KDM6A: variants seen among roughly 807,000 people sequenced by gnomAD.
KDM6A encodes the protein lysine demethylase 6A.
Under a neutral mutation model 117.6 loss-of-function variants are expected in KDM6A, and 11 were observed. That is an observed-to-expected ratio of 0.09 (90% CI 0.06 to 0.15). KDM6A has a LOEUF of 0.15. Ranked by LOEUF, KDM6A falls within the 10% of genes least tolerant of loss-of-function variation. The pLI is 1.00. For missense variants in KDM6A, 799 were observed against 1,077.3 expected, an observed-to-expected ratio of 0.74 and a Z score of 3.62; for synonymous variants, 384 against 396.1, an observed-to-expected ratio of 0.97 and a Z score of 0.36.
At chrX:45,029,922 C>T (rs1011937717) in intron 6 of KDM6A, among the ~76,000 whole-genome samples, 1 of 111,159 alleles carries the variant, frequency 9.0e-6, no homozygotes, top group Non-Finnish European at 1.9e-5. Flanking sequence ...GATACAGCTA[C>T]AGGAAGAAAG....
chrX:45,075,351 G>A (rs908064415), intron 18 of KDM6A, among the ~76,000 whole-genome samples: 2 of 111,319 alleles, frequency 1.8e-5, no homozygotes, highest in African/African-American at 6.5e-5. Flanking sequence ...AAGCTTAAGT[G>A]TATATCTGTC....
At chrX:44,999,942 C>G (rs2041056375) in intron 4 of KDM6A, among the ~76,000 whole-genome samples, 1 of 111,792 alleles carries the variant, frequency 8.9e-6, no homozygotes, top group African/African-American at 3.3e-5. Context: ...CTTTTCTAGC[C>G]ATCCTGTAAA....
intron 2 of KDM6A, among the ~76,000 whole-genome samples, chrX:44,925,788 T>A (rs990991470): frequency 8.9e-6 from 1 of 111,966 alleles, no homozygotes; most frequent in Non-Finnish European, 1.9e-5. Flanking sequence ...CCATTCTGGC[T>A]TTCCACCTAC....
rs141255484 is a variant in KDM6A, at chrX:44,935,816, G to A, written c.226-25468G>A. Among the ~76,000 whole-genome samples the A allele has an allele frequency of 3.1e-3, 346 of 111,755 alleles. 2 individuals carry two copies. The highest frequency in any genetic ancestry group is 0.011 in the African/African-American group (324 of 30,773). ...CAGACAAGTAAGACCTGATCAGGTCGCGCTTGGCATCATATTGACATAGAA... is the reference window on the plus strand; with the variant it reads ...CAGACAAGTAAGACCTGATCAGGTCACGCTTGGCATCATATTGACATAGAA... On this transcript the variant is annotated intron_variant, in intron 2 of 29. Coordinates refer to ENST00000611820, the MANE Select transcript of KDM6A (RefSeq NM_001291415.2).
chrX:45,110,397 C>T, intron 29 of KDM6A, 148 bp downstream of exon 29: 1 of 495,634 alleles, frequency 2.0e-6, no homozygotes, highest in Non-Finnish European at 3.5e-6. Context: ...TCATATCATT[C>T]CCCCCTCCAT....
At chrX:44,941,769 G>A (rs983257395) in intron 2 of KDM6A, among the ~76,000 whole-genome samples, 1 of 109,802 alleles carries the variant, frequency 9.1e-6, no homozygotes, top group African/African-American at 3.3e-5. Flanking sequence ...GTGAGCCACC[G>A]CGACTGGCAA....
At chrX:45,025,769 C>G (rs1459076311) in intron 6 of KDM6A, among the ~76,000 whole-genome samples, 1 of 112,122 alleles carries the variant, frequency 8.9e-6, no homozygotes, top group African/African-American at 3.2e-5. Context: ...TAAACTATGT[C>G]AACTTAGAAC....
rs934419149 is a variant in KDM6A, at chrX:45,112,567, C to T, written c.*1156C>T. On this transcript the variant is annotated 3_prime_UTR_variant, in exon 30 of 30. Transcript: ENST00000611820. ...CTGGTTTATTGTTAAGTTGCAATTA[C>T]TGCAATGACAGACCAATAAACAATT... is the stretch of plus-strand genomic sequence containing the variant. 24 of 132,607 alleles carry T rather than the reference C, an allele frequency of 1.8e-4. No homozygotes were observed. Among genetic ancestry groups the T allele is most frequent in the Non-Finnish European group, 3.1e-4 (20 of 65,411 alleles). 10.9% of individuals were successfully genotyped at this position (132,607 alleles called of 1,213,427 possible). A position where few individuals can be genotyped will look rare whatever the true frequency, so the allele number is the denominator to read the frequency against.
intron 4 of KDM6A, among the ~76,000 whole-genome samples, chrX:44,999,618 T>C (rs939084264): frequency 8.9e-6 from 1 of 112,065 alleles, no homozygotes; most frequent in Non-Finnish European, 1.9e-5. Flanking sequence ...TACTGACATA[T>C]TGATTCTTTG....
chrX:45,095,344 T>C (rs181742893), intron 27 of KDM6A, among the ~76,000 whole-genome samples: 4 of 111,128 alleles, frequency 3.6e-5, no homozygotes, highest in African/African-American at 1.3e-4. Context: ...GATAGAGCTA[T>C]TTAGAAGAAG....
chrX:44,915,940 T>C (rs1301041941), intron 2 of KDM6A, among the ~76,000 whole-genome samples: 2 of 111,579 alleles, frequency 1.8e-5, no homozygotes, highest in Non-Finnish European at 3.8e-5. Context: ...AAAAATCATA[T>C]ACTGAAGTTC....
rs770359455 is a variant in KDM6A at position 44,981,456 on chromosome X, T to C, written c.384+6741T>C. ...AGCCTCCATGCCCTCTCTGGGCATG[T>C]CACCCTCTAGGGACTTCCGCTTGTG... is the stretch of plus-strand genomic sequence containing the variant. On this transcript the variant is annotated intron_variant, in intron 4 of 29. Coordinates refer to ENST00000611820, the MANE Select transcript of KDM6A (RefSeq NM_001291415.2). Among the ~76,000 whole-genome samples, 5 of 111,862 alleles carry C rather than the reference T, an allele frequency of 4.5e-5. No homozygotes were observed. The East Asian group carries it at 1.4e-3, about 32-fold the overall frequency.
intron 3 of KDM6A, 82 bp from the exon 4 acceptor site, chrX:44,974,584 G>A (rs976131678): frequency 1.0e-5 from 7 of 668,834 alleles, no homozygotes; most frequent in African/African-American, 4.3e-5. Flanking sequence ...GGTGTGGTGG[G>A]AATCTTGTTA....
chrX:45,056,349 A>C (rs1173163620), intron 10 of KDM6A, among the ~76,000 whole-genome samples: 3 of 112,021 alleles, frequency 2.7e-5, no homozygotes, highest in Non-Finnish European at 5.6e-5. Flanking sequence ...AATTGTCAGT[A>C]AGAAATTTTG....
At chrX:44,892,415 G>A (rs757822077) in intron 2 of KDM6A, among the ~76,000 whole-genome samples, 45 of 111,630 alleles carry the variant, frequency 4.0e-4, no homozygotes, top group Non-Finnish European at 6.2e-4. Context: ...AAAGCTGGGC[G>A]TGGTGGCTCA....
At chrX:44,926,746 T>C (rs1255438423) in intron 2 of KDM6A, among the ~76,000 whole-genome samples, 1 of 111,942 alleles carries the variant, frequency 8.9e-6, no homozygotes, top group East Asian at 2.8e-4. Context: ...TATTCTCTAG[T>C]TGCCCTCTAG....
chrX:45,084,522 C>T (rs752487589), intron 24 of KDM6A, among the ~76,000 whole-genome samples: 75 of 111,846 alleles, frequency 6.7e-4, no homozygotes, highest in African/African-American at 2.4e-3. Context: ...CTTACTGAGT[C>T]GTGCTTAAGA....
Position 44,921,566 on chromosome X carries a change from G to T in KDM6A, c.226-39718G>T, listed in dbSNP as rs192798253. Among the ~76,000 whole-genome samples, 16 of 111,281 alleles carry T rather than the reference G, an allele frequency of 1.4e-4. No homozygotes were observed. In the East Asian group the frequency reaches 4.2e-3, roughly 30 times the overall value. On this transcript the variant is annotated intron_variant, in intron 2 of 29. Transcript: ENST00000611820. ...AACCTCTGGGAACCACCAATCTGAT[G>T]GAATCATGTAGCATGTATTTTCTGA...
intron 28 of KDM6A, 92 bp from the exon 29 acceptor site, chrX:45,109,987 A>G: frequency 1.1e-6 from 1 of 882,759 alleles, no homozygotes; most frequent in Non-Finnish European, 1.6e-6. Flanking sequence ...ACTGTCCACA[A>G]TTTCATTCAA....
Sources: gnomAD v4.1 joint callset for allele counts (sites outside exome capture counted in the v4.1 genomes callset) on GRCh38, gnomAD v4.1.1 for gene constraint, MANE v1.5 for transcripts, NCBI Gene and HGNC (gene_info 2026-07-23, HGNC 2026-07-21) for gene names.